Variants in EXO5 observed in about 807,000 individuals in gnomAD.
EXO5 encodes the protein exonuclease 5.
A neutral mutation model predicts 17.8 loss-of-function variants in EXO5; 11 were observed. The observed-to-expected ratio is 0.62, with a 90% CI of 0.39 to 1.02. The LOEUF is 1.02. EXO5 is among the 50% of genes least tolerant of loss of function. The pLI is 0.00. For synonymous variants in EXO5, 147 were observed against 166.5 expected (o/e 0.88, Z 0.90); for missense variants, 364 against 434.8 (o/e 0.84, Z 1.45).
At position 40,515,182 on chromosome 1, in the gene EXO5, A is replaced by C; in HGVS notation, c.638A>C (p.Lys213Thr). 1 of 1,614,044 alleles carries C rather than the reference A, an allele frequency of 6.2e-7. No individual in the cohort carries two copies. The highest frequency in any genetic ancestry group is 8.5e-7 in the Non-Finnish European group (1 of 1,180,008). The change falls in exon 4 of 4, where the codon AAA becomes ACA. Residue 213 changes from lysine (K) to threonine (T), a missense_variant. Lys to Thr is a moderately conservative substitution (Grantham distance 78). Transcript: ENST00000415550. ...CTCCCTCTGGAAGCTCAGAAGAAGA[A>C]AGACTGTTTTCAAGTCAGCCTATAC... is the stretch of plus-strand genomic sequence containing the variant. ...PMLPLEAQKKKDCFQVSLYKY... is the reference protein window; with the variant it reads ...PMLPLEAQKKTDCFQVSLYKY...
chr1:40,511,152 G>A (rs980657481), intron 3 of EXO5, among the ~76,000 whole-genome samples: 5 of 152,130 alleles, frequency 3.3e-5, no homozygotes, highest in African/African-American at 9.7e-5. Context: ...GGAGAATGGC[G>A]TGAACCCGGG....
chr1:40,513,817 G>A (rs1049657554), intron 3 of EXO5, among the ~76,000 whole-genome samples: 9 of 151,572 alleles, frequency 5.9e-5, no homozygotes, highest in Non-Finnish European at 2.9e-5. Flanking sequence ...TTGAACTCCT[G>A]ACCTCAAGTG....
At chr1:40,512,884 G>A (rs1438647716) in intron 3 of EXO5, among the ~76,000 whole-genome samples, 1 of 152,130 alleles carries the variant, frequency 6.6e-6, no homozygotes, top group African/African-American at 2.4e-5. Context: ...CCAAAGTGCC[G>A]AGATTACAGG....
chr1:40,514,976 A>G lies in EXO5; in HGVS notation c.432A>G (p.Ala144=). ...VPVTTKEDAW[A]IKFLNILLLI... is the part of the protein sequence containing the mutation. ...TCACCACTAAAGAAGATGCTTGGGC[A>G]ATTAAGTTTCTGAACATACTTTTGC... The change falls in exon 4 of 4, where the codon GCA becomes GCG. Residue 144 remains alanine, a synonymous_variant. Transcript: ENST00000415550. 6.2e-7 allele frequency: 1 copy of G among 1,614,144 alleles called. No homozygotes were observed. The highest frequency in any genetic ancestry group is 8.5e-7 in the Non-Finnish European group (1 of 1,179,996).
chr1:40,511,964 C>T (rs962169259), intron 3 of EXO5, among the ~76,000 whole-genome samples: 3 of 151,942 alleles, frequency 2.0e-5, no homozygotes, highest in Admixed American at 1.3e-4. Flanking sequence ...CTGCACGCTC[C>T]GCCTCCTGGG....
rs772199418 is a variant in EXO5, at chr1:40,515,532, C to T, written c.988C>T (p.Arg330Ter). The T allele has an allele frequency of 8.7e-6, 14 of 1,613,604 alleles. No homozygotes were observed. Among genetic ancestry groups the T allele is most frequent in the Non-Finnish European group, 1.1e-5 (13 of 1,179,968 alleles). Reference sequence around the variant, plus strand: ...TTATATGGCCTACTGGATGGGCCACCGAGAGCCCCAGGGAGTTGACGTGGA... The same window carrying T: ...TTATATGGCCTACTGGATGGGCCACTGAGAGCCCCAGGGAGTTGACGTGGA... The part of the protein sequence containing the change: ...QHYMAYWMGH[R>*]EPQGVDVEEA... The change falls in exon 4 of 4, where the codon CGA becomes TGA. Residue 330 changes from arginine (R) to a stop codon, truncating the protein, a stop_gained. Coordinates refer to ENST00000415550, the MANE Select transcript of EXO5 (RefSeq NM_001346953.2). LOFTEE classifies it high-confidence loss of function.
Position 40,515,525 on chromosome 1 carries a change from G to C in EXO5, c.981G>C (p.Met327Ile). ...AKVQHYMAYW[M>I]GHREPQGVDV... Reference sequence around the variant, plus strand: ...TGCAGCATTATATGGCCTACTGGATGGGCCACCGAGAGCCCCAGGGAGTTG... The same window carrying C: ...TGCAGCATTATATGGCCTACTGGATCGGCCACCGAGAGCCCCAGGGAGTTG... The change falls in exon 4 of 4, where the codon ATG becomes ATC. Residue 327 changes from methionine to isoleucine, a missense_variant. By Grantham distance (10) the Met-to-Ile change is conservative. Transcript: ENST00000415550. 1 of 1,612,440 alleles carries C rather than the reference G, an allele frequency of 6.2e-7. No homozygotes were observed. Among genetic ancestry groups the C allele is most frequent in the Non-Finnish European group, 8.5e-7 (1 of 1,179,498 alleles).
chr1:40,510,205 T>TA (rs397688455), intron 3 of EXO5, among the ~76,000 whole-genome samples: 7 of 150,614 alleles, frequency 4.6e-5, no homozygotes, highest in Middle Eastern at 6.8e-3. Context: ...TTTTTTTTTT[T>TA]ATAAAAATCA....
chr1:40,515,028 C>G lies in EXO5; in HGVS notation c.484C>G (p.His162Asp), dbSNP rs1273133362. 4 of 1,614,140 alleles carry G rather than the reference C, an allele frequency of 2.5e-6. No homozygotes were observed. The Admixed American group carries it at 6.7e-5, about 27-fold the overall frequency. Residue 162 changes from histidine (H) to aspartate (D), a missense_variant, in exon 4 of 4, where the codon CAC becomes GAC. Transcript: ENST00000415550. ...LLIPTLQSEG[H>D]IREFPVFGEG... ...GATTCCTACCCTGCAGTCAGAAGGG[C>G]ACATCAGAGAGTTTCCAGTGTTTGG...
rs143142866 is a variant in EXO5, at chr1:40,515,335, CTG to C, written c.794_795del (p.Val265GlufsTer5). 3.5e-3 allele frequency: 5,710 copies of C among 1,614,068 alleles called. 344 individuals carry two copies. In the East Asian group the frequency reaches 0.11, roughly 31 times the overall value. On this transcript the variant is annotated frameshift_variant, in exon 4 of 4. Transcript: ENST00000415550. LOFTEE classifies it high-confidence loss of function. ...AGGCATGCCCAGCAGGGAGGCTTCT[CTG>C]TGAAGTCTTTGGGTGACCTCATGGA... is the stretch of plus-strand genomic sequence containing the variant.
At chr1:40,509,379 T>G (rs1469698748) in intron 1 of EXO5, 72 bp from the exon 2 acceptor site, 2 of 152,316 alleles carry the variant, frequency 1.3e-5, no homozygotes, top group Non-Finnish European at 2.9e-5. Context: ...GGGTTGAGAA[T>G]GGAGCTGGAA....
At chr1:40,512,156 C>A (rs867911032) in intron 3 of EXO5, among the ~76,000 whole-genome samples, 1 of 152,180 alleles carries the variant, frequency 6.6e-6, no homozygotes, top group African/African-American at 2.4e-5. Flanking sequence ...GGATTACAGG[C>A]GTGAACCACT....
At chr1:40,513,707 G>T (rs938666339) in intron 3 of EXO5, among the ~76,000 whole-genome samples, 1 of 151,276 alleles carries the variant, frequency 6.6e-6, no homozygotes, top group Non-Finnish European at 1.5e-5. Flanking sequence ...TGCTGCCTCA[G>T]CCTCCTGAGT....
intron 3 of EXO5, among the ~76,000 whole-genome samples, chr1:40,510,330 G>A (rs1439843958): frequency 6.6e-6 from 1 of 152,026 alleles, no homozygotes; most frequent in African/African-American, 2.4e-5. Flanking sequence ...ATGTAAAATC[G>A]TCTCGTGTCA....
chr1:40,515,567 G>A lies in EXO5; in HGVS notation c.1023G>A (p.Trp341Ter), dbSNP rs866401199. 1 of 1,613,440 alleles carries A rather than the reference G, an allele frequency of 6.2e-7. No homozygotes were observed. Among genetic ancestry groups the A allele is most frequent in the African/African-American group, 1.3e-5 (1 of 74,840 alleles). Residue 341 changes from tryptophan to a stop codon, truncating the protein, a stop_gained, in exon 4 of 4, where the codon TGG becomes TGA. Coordinates refer to ENST00000415550, the MANE Select transcript of EXO5 (RefSeq NM_001346953.2). LOFTEE classifies it high-confidence loss of function. Reference protein sequence around the residue: ...EPQGVDVEEAWKCRTCTYADI... With the variant: ...EPQGVDVEEA ...AGGGAGTTGACGTGGAGGAGGCTTG[G>A]AAGTGCCGGACGTGTACCTATGCAG...
At chr1:40,511,262 AT>A (rs1158593037) in intron 3 of EXO5, among the ~76,000 whole-genome samples, 3 of 152,200 alleles carry the variant, frequency 2.0e-5, no homozygotes, top group African/African-American at 7.2e-5. Flanking sequence ...AAAAGAAAAA[AT>A]AAATGCCCTT....
chr1:40,514,829 A>G lies in EXO5; in HGVS notation c.285A>G (p.Gln95=). The G allele has an allele frequency of 6.2e-7, 1 of 1,614,208 alleles. No individual in the cohort carries two copies. The highest frequency in any genetic ancestry group is 1.1e-5 in the South Asian group (1 of 91,086). The change falls in exon 4 of 4, where the codon CAA becomes CAG. Residue 95 remains glutamine, a synonymous_variant. Transcript: ENST00000415550. ...CTACTCAGAACTGGTGTGAACTGCAAACAGCATATGGGAAGGAGCTTCCTG... is the reference window on the plus strand; with the variant it reads ...CTACTCAGAACTGGTGTGAACTGCAGACAGCATATGGGAAGGAGCTTCCTG... The part of the protein sequence containing the change: ...DLATQNWCEL[Q]TAYGKELPGF...
In EXO5 at chr1:40,515,573, C is replaced by CG. The variant is rs150018949; in HGVS notation, c.1029_1030insG (p.Arg344AlafsTer10). 0.017 allele frequency: 27,328 copies of CG among 1,612,686 alleles called. 299 individuals carry two copies. The highest frequency in any genetic ancestry group is 0.02 in the Non-Finnish European group (24,023 of 1,179,828). On this transcript the variant is annotated frameshift_variant, in exon 4 of 4. Transcript: ENST00000415550. LOFTEE classifies it high-confidence loss of function. Reference sequence around the variant, plus strand: ...TTGACGTGGAGGAGGCTTGGAAGTGCCGGACGTGTACCTATGCAGACATTT... The same window carrying CG: ...TTGACGTGGAGGAGGCTTGGAAGTGCGCGGACGTGTACCTATGCAGACATTT...
At chr1:40,513,874 C>T (rs894578110) in intron 3 of EXO5, among the ~76,000 whole-genome samples, 4 of 151,968 alleles carry the variant, frequency 2.6e-5, no homozygotes, top group African/African-American at 9.7e-5. Flanking sequence ...CAGGTGTGAG[C>T]CACCCGCCCC....
Sources: allele counts gnomAD v4.1 joint callset (sites outside exome capture counted in the v4.1 genomes callset), GRCh38; gene constraint gnomAD v4.1.1; transcripts MANE v1.5; gene names NCBI Gene and HGNC (gene_info 2026-07-23, HGNC 2026-07-21).